COLEC12: variants seen among roughly 807,000 people sequenced by gnomAD.
The protein encoded by COLEC12 is collectin-12.
COLEC12 carries 33 observed loss-of-function variants against 71.1 expected under a neutral mutation model. The ratio of observed to expected loss-of-function variants is 0.46; its 90% CI spans 0.35 to 0.62. The LOEUF (loss-of-function observed/expected upper bound fraction) is 0.62, where lower values mean the gene tolerates loss of function less well. COLEC12 is among the 20% of genes least tolerant of loss of function. The probability of loss-of-function intolerance (pLI) is 0.00; values close to 1 mark genes in which losing one functional copy is unlikely to be tolerated. For synonymous variants in COLEC12, 350 were observed against 353.0 expected, an observed-to-expected ratio of 0.99 and a Z score of 0.10; for missense variants, 765 against 916.1, an observed-to-expected ratio of 0.84 and a Z score of 2.13.
In COLEC12 at chr18:399,310, T is replaced by C. The variant is rs558727999; in HGVS notation, c.59-41788A>G. Among the ~76,000 whole-genome samples the C allele has an allele frequency of 2.0e-5, 3 of 152,150 alleles. No individual in the cohort carries two copies. ...TGGGCACCACCAGCACCACAGACCT[T>C]GTGTGTGTGGCAAGGGCCAGGAAAG... On this transcript the variant is annotated intron_variant, in intron 2 of 9. Transcript: ENST00000400256. This position sits in a 1 kb window ranked among gnomAD's most constrained non-coding sequence, Gnocchi z 4.0.
chr18:423,178 A>G (rs1342285929), intron 2 of COLEC12, among the ~76,000 whole-genome samples: 2 of 152,170 alleles, frequency 1.3e-5, no homozygotes, highest in African/African-American at 4.8e-5. Context: ...ATGAGGTGGG[A>G]GGACTGCTTG....
chr18:334,530 A>C, intron 6 of COLEC12: 1 of 380,830 alleles, frequency 2.6e-6, no homozygotes, highest in Admixed American at 4.6e-5. Context: ...TGGGAGGCTA[A>C]GGCAGGAGAA....
At chr18:461,525 C>T (rs991383536) in intron 2 of COLEC12, among the ~76,000 whole-genome samples, 1 of 152,080 alleles carries the variant, frequency 6.6e-6, no homozygotes, top group Non-Finnish European at 1.5e-5. Context: ...TAGACAGGAC[C>T]ACAGGCATAC....
intron 2 of COLEC12, among the ~76,000 whole-genome samples, chr18:414,015 G>A (rs558857979): frequency 3.3e-4 from 51 of 152,282 alleles, no homozygotes; most frequent in African/African-American, 1.2e-3. Context: ...GAGGAAAGGG[G>A]AAGAAAATAT....
chr18:466,096 T>G (rs1379612911), intron 2 of COLEC12, among the ~76,000 whole-genome samples: 3 of 151,626 alleles, frequency 2.0e-5, no homozygotes, highest in African/African-American at 7.3e-5. Flanking sequence ...AAAACTTAGC[T>G]GGGCACAGTG....
In COLEC12 at chr18:319,941, G is replaced by C; in HGVS notation, c.*104C>G. 1 of 772,458 alleles carries C rather than the reference G, an allele frequency of 1.3e-6. No individual in the cohort carries two copies. The highest frequency in any genetic ancestry group is 2.2e-6 in the Non-Finnish European group (1 of 456,310). The allele number at this position is 772,458 out of a possible 1,614,324, so 47.9% of individuals were successfully genotyped here. ...ATTTTTTTTCAGTAATTGGTTTTCAGTGCTTTTTTTTTTTCAATCTGATGA... is the reference window on the plus strand; with the variant it reads ...ATTTTTTTTCAGTAATTGGTTTTCACTGCTTTTTTTTTTTCAATCTGATGA... On this transcript the variant is annotated 3_prime_UTR_variant, in exon 10 of 10. Transcript: ENST00000400256.
intron 3 of COLEC12, among the ~76,000 whole-genome samples, chr18:350,787 T>C (rs1010582701): frequency 6.6e-6 from 1 of 151,800 alleles, no homozygotes; most frequent in Non-Finnish European, 1.5e-5. Flanking sequence ...AATTAGCCGG[T>C]TGTGGTGGTA....
intron 1 of COLEC12, among the ~76,000 whole-genome samples, chr18:482,967 G>A (rs569697085): frequency 2.6e-5 from 4 of 152,288 alleles, no homozygotes; most frequent in Admixed American, 2.0e-4. Context: ...CTCTGTGATA[G>A]TCTTTTTCAA....
intron 6 of COLEC12, 86 bp downstream of exon 6, chr18:334,655 TG>T: frequency 8.4e-7 from 1 of 1,194,650 alleles, no homozygotes; most frequent in Non-Finnish European, 1.1e-6. Context: ...AAAAATAACA[TG>T]GGTGGGGCCA....
At chr18:452,370 T>C (rs1308954902) in intron 2 of COLEC12, among the ~76,000 whole-genome samples, 2 of 152,166 alleles carry the variant, frequency 1.3e-5, no homozygotes, top group African/African-American at 4.8e-5. Context: ...TATAGCGCTA[T>C]AGTAAGAATT....
chr18:463,302 T>A (rs1232989468), intron 2 of COLEC12, among the ~76,000 whole-genome samples: 1 of 152,234 alleles, frequency 6.6e-6, no homozygotes, highest in African/African-American at 2.4e-5. Flanking sequence ...CAGTCATAAA[T>A]GTCTCCATTA....
chr18:480,830 C>G lies in COLEC12; in HGVS notation c.8-73G>C. On this transcript the variant is annotated intron_variant, in intron 1 of 9. Transcript: ENST00000400256. The surrounding 1 kb of genome is among the most constrained non-coding windows in gnomAD (Gnocchi z 4.1). ...AAGCAGAGGGTGGGGCAGGATGCGA[C>G]CTGCTTCATCGCCCCTGCTTGTCAC... 1 of 1,245,198 alleles carries G rather than the reference C, an allele frequency of 8.0e-7. No individual in the cohort carries two copies. Among genetic ancestry groups the G allele is most frequent in the South Asian group, 1.2e-5 (1 of 83,742 alleles). 77.1% of individuals were successfully genotyped at this position (1,245,198 alleles called of 1,614,324 possible). A position where few individuals can be genotyped will look rare whatever the true frequency, so the allele number is the denominator to read the frequency against.
At position 467,585 on chromosome 18, in the gene COLEC12, A is replaced by G. The variant is rs545411863; in HGVS notation, c.58+13122T>C. The stretch of plus-strand genomic sequence containing the variant: ...ATTAATGAATTGAGAGAAACTGCCA[A>G]CTGTCTTCAGATTGTTAATGGAAAC... On this transcript the variant is annotated intron_variant, in intron 2 of 9. Coordinates refer to ENST00000400256, the MANE Select transcript of COLEC12 (RefSeq NM_130386.3). Among the ~76,000 whole-genome samples, 14 of 152,374 alleles carry G rather than the reference A, an allele frequency of 9.2e-5. No homozygotes were observed. In the East Asian group the frequency reaches 2.5e-3, roughly 27 times the overall value.
At chr18:422,501 A>G (rs529266715) in intron 2 of COLEC12, among the ~76,000 whole-genome samples, 64 of 152,334 alleles carry the variant, frequency 4.2e-4, no homozygotes, top group Middle Eastern at 3.4e-3. Flanking sequence ...AGAACTCAAG[A>G]TATACAAATG....
intron 2 of COLEC12, among the ~76,000 whole-genome samples, chr18:437,790 T>C (rs1916436378): frequency 6.6e-6 from 1 of 152,234 alleles, no homozygotes; most frequent in Non-Finnish European, 1.5e-5. Context: ...AGGTGCCACT[T>C]TTCTTCGAAG....
intron 2 of COLEC12, among the ~76,000 whole-genome samples, chr18:377,262 T>G (rs1915133505): frequency 6.6e-6 from 1 of 152,208 alleles, no homozygotes; most frequent in Non-Finnish European, 1.5e-5. Context: ...ACCATTTCAA[T>G]GCAAATGGCT....
intron 2 of COLEC12, among the ~76,000 whole-genome samples, chr18:380,442 T>A (rs1915205194): frequency 6.6e-6 from 1 of 151,890 alleles, no homozygotes; most frequent in Non-Finnish European, 1.5e-5. Flanking sequence ...TTGAATGCCA[T>A]CCCATCATGC....
At chr18:419,787 T>C (rs1380171727) in intron 2 of COLEC12, among the ~76,000 whole-genome samples, 5 of 152,212 alleles carry the variant, frequency 3.3e-5, no homozygotes, top group African/African-American at 9.7e-5. Context: ...GTGATATCTA[T>C]GTCCTCTCCC....
intron 2 of COLEC12, among the ~76,000 whole-genome samples, chr18:406,697 G>A (rs549684945): frequency 6.6e-6 from 1 of 152,254 alleles, no homozygotes; most frequent in East Asian, 1.9e-4. Context: ...GTCTGGATGG[G>A]GACCCTTTTC....
Sources: gnomAD v4.1 joint callset for allele counts (sites outside exome capture counted in the v4.1 genomes callset) on GRCh38, gnomAD v4.1.1 for gene constraint, Gnocchi (gnomAD v3.1) non-coding constraint, MANE v1.5 for transcripts, NCBI Gene and HGNC (gene_info 2026-07-23, HGNC 2026-07-21) for gene names.